DPP10: variants seen among roughly 807,000 people sequenced by gnomAD.
The protein encoded by DPP10 is dipeptidyl peptidase like 10, also known as inactive dipeptidyl peptidase 10.
A neutral mutation model predicts 120.9 loss-of-function variants in DPP10; 33 were observed. The observed-to-expected ratio is 0.27, with a 90% CI of 0.21 to 0.37. The LOEUF (loss-of-function observed/expected upper bound fraction) is 0.37, where lower values mean the gene tolerates loss of function less well. Among genes scored for constraint, DPP10 ranks in the 10% least tolerant of loss-of-function variants. The pLI, the probability that DPP10 is intolerant of heterozygous loss-of-function variation, is 1.00. For synonymous variants in DPP10, 337 were observed against 326.1 expected, an observed-to-expected ratio of 1.03 and a Z score of -0.36; for missense variants, 816 against 942.8, an observed-to-expected ratio of 0.87 and a Z score of 1.76.
At chr2:115,337,142 G>C (rs1446766663) in intron 2 of DPP10, among the ~76,000 whole-genome samples, 1 of 109,314 alleles carries the variant, frequency 9.1e-6, no homozygotes, top group Non-Finnish European at 1.8e-5. Flanking sequence ...CTTGAAGAAA[G>C]CAAAAAAAAA....
chr2:115,420,605 G>A (rs1336794783), intron 3 of DPP10, among the ~76,000 whole-genome samples: 3 of 152,186 alleles, frequency 2.0e-5, no homozygotes, highest in Admixed American at 1.3e-4. Context: ...TATAGCTTCT[G>A]TTAATCAAGA....
intron 1 of DPP10, among the ~76,000 whole-genome samples, chr2:114,716,722 G>C (rs1023808461): frequency 1.3e-5 from 2 of 152,116 alleles, no homozygotes; most frequent in Admixed American, 6.6e-5. Context: ...AAAAACCATA[G>C]TATTTTAGAA....
chr2:115,628,447 A>C (rs2085548666), intron 5 of DPP10, among the ~76,000 whole-genome samples: 1 of 151,864 alleles, frequency 6.6e-6, no homozygotes, highest in Admixed American at 6.6e-5. Context: ...AATTGGAAAA[A>C]TTTTCTCCCA....
intron 3 of DPP10, among the ~76,000 whole-genome samples, chr2:115,474,333 C>T (rs1156357537): frequency 6.6e-6 from 1 of 152,160 alleles, no homozygotes; most frequent in Non-Finnish European, 1.5e-5. Context: ...CCTCTGTCCT[C>T]TTAGCCAGGC....
chr2:115,657,194 T>C (rs902971417), intron 5 of DPP10, among the ~76,000 whole-genome samples: 9 of 151,784 alleles, frequency 5.9e-5, no homozygotes, highest in African/African-American at 2.2e-4. Flanking sequence ...AAAATTTGAA[T>C]GTTTGTACAA....
At chr2:115,507,764 T>C (rs191425511) in intron 4 of DPP10, among the ~76,000 whole-genome samples, 1 of 152,286 alleles carries the variant, frequency 6.6e-6, no homozygotes, top group Admixed American at 6.5e-5. Context: ...AAAAGTACAC[T>C]CTGTCAATTA....
intron 3 of DPP10, among the ~76,000 whole-genome samples, chr2:115,344,429 T>C (rs1296113566): frequency 1.3e-5 from 2 of 152,142 alleles, no homozygotes. Flanking sequence ...TACGTAGAAA[T>C]GTTAAGTGCT....
At chr2:115,391,726 T>G (rs2067330126) in intron 3 of DPP10, among the ~76,000 whole-genome samples, 1 of 151,986 alleles carries the variant, frequency 6.6e-6, no homozygotes, top group Admixed American at 6.6e-5. Context: ...TTCATTTCAT[T>G]AAACTGAGAA....
chr2:114,661,965 C>T (rs1415316458), intron 1 of DPP10, among the ~76,000 whole-genome samples: 1 of 151,594 alleles, frequency 6.6e-6, no homozygotes, highest in Non-Finnish European at 1.5e-5. Context: ...GGGATCGCGC[C>T]GTTGCACTCC....
chr2:115,130,109 C>T (rs1048747461), intron 1 of DPP10, among the ~76,000 whole-genome samples: 2 of 152,170 alleles, frequency 1.3e-5, no homozygotes, highest in African/African-American at 4.8e-5. Context: ...TACTATCACT[C>T]CAAAAATAAA....
intron 1 of DPP10, among the ~76,000 whole-genome samples, chr2:114,998,092 A>C (rs527921908): frequency 1.3e-5 from 2 of 152,200 alleles, no homozygotes; most frequent in Admixed American, 1.3e-4. Context: ...ACTATTGATA[A>C]GCAATCATCT....
chr2:114,471,362 A>G (rs1442960374), intron 1 of DPP10, among the ~76,000 whole-genome samples: 1 of 152,186 alleles, frequency 6.6e-6, no homozygotes, highest in African/African-American at 2.4e-5. Context: ...AAAGGTGTCA[A>G]AGGATTAGAA....
intron 1 of DPP10, among the ~76,000 whole-genome samples, chr2:115,043,410 A>G (rs1190952633): frequency 1.3e-5 from 2 of 152,202 alleles, no homozygotes; most frequent in Admixed American, 6.5e-5. Context: ...TGTTTTTTCA[A>G]AGTACCCTCA....
chr2:115,437,454 T>A (rs945221647), intron 3 of DPP10, among the ~76,000 whole-genome samples: 2 of 152,012 alleles, frequency 1.3e-5, no homozygotes, highest in African/African-American at 4.8e-5. Flanking sequence ...GAGGATGAAG[T>A]GGAGTGAAAA....
At chr2:115,601,563 A>G (rs948639871) in intron 5 of DPP10, among the ~76,000 whole-genome samples, 2 of 152,214 alleles carry the variant, frequency 1.3e-5, no homozygotes, top group Admixed American at 1.3e-4. Context: ...ATTCTACCCT[A>G]TTAAAGACTA....
At chr2:115,219,996 T>C (rs2057052409) in intron 1 of DPP10, among the ~76,000 whole-genome samples, 2 of 152,212 alleles carry the variant, frequency 1.3e-5, no homozygotes, top group Non-Finnish European at 2.9e-5. Context: ...GCAGTGATTA[T>C]AACAAAAACT....
chr2:114,704,099 T>C (rs1484392087), intron 1 of DPP10, among the ~76,000 whole-genome samples: 1 of 152,080 alleles, frequency 6.6e-6, no homozygotes, highest in Non-Finnish European at 1.5e-5. Flanking sequence ...TATGGTGTTA[T>C]AAAGGTTAGG....
chr2:114,635,939 T>G (rs1695270458), intron 1 of DPP10, among the ~76,000 whole-genome samples: 1 of 151,866 alleles, frequency 6.6e-6, no homozygotes, highest in Non-Finnish European at 1.5e-5. Context: ...AATATCACAT[T>G]CTTGAACATC....
intron 3 of DPP10, among the ~76,000 whole-genome samples, chr2:115,421,098 T>C (rs574315222): frequency 1.3e-5 from 2 of 152,022 alleles, no homozygotes; most frequent in African/African-American, 2.4e-5. Context: ...TTTTTTTTTT[T>C]ACTTCTCTTT....
Sources: allele counts gnomAD v4.1 joint callset (sites outside exome capture counted in the v4.1 genomes callset), GRCh38; gene constraint gnomAD v4.1.1; transcripts MANE v1.5; gene names NCBI Gene and HGNC (gene_info 2026-07-23, HGNC 2026-07-21).